LRP1B: variants seen among roughly 807,000 people sequenced by gnomAD.
The protein encoded by LRP1B is LDL receptor related protein 1B.
A neutral mutation model predicts 556.6 loss-of-function variants in LRP1B; 217 were observed. The observed-to-expected ratio is 0.39, with a 90% CI of 0.35 to 0.44. LRP1B has a LOEUF of 0.44. Ranked by LOEUF, LRP1B falls within the 20% of genes least tolerant of loss-of-function variation. The pLI is 1.00. For synonymous variants in LRP1B, 2,047 were observed against 1,865.8 expected (o/e 1.10, Z -2.50); for missense variants, 5,053 against 5,620.8 (o/e 0.90, Z 3.23).
intron 31 of LRP1B, among the ~76,000 whole-genome samples, chr2:140,827,023 G>A (rs1416203316): frequency 6.6e-6 from 1 of 152,126 alleles, no homozygotes; most frequent in African/African-American, 2.4e-5. Flanking sequence ...AGGACCAGAA[G>A]TGTTCTGAAC....
At chr2:142,027,212 G>C (rs946834027) in intron 1 of LRP1B, among the ~76,000 whole-genome samples, 1 of 151,514 alleles carries the variant, frequency 6.6e-6, no homozygotes, top group Non-Finnish European at 1.5e-5. Flanking sequence ...GCATGAATGA[G>C]GATCCCCAAA....
chr2:141,519,305 G>A (rs1017160372), intron 2 of LRP1B, among the ~76,000 whole-genome samples: 1 of 143,798 alleles, frequency 7.0e-6, no homozygotes, highest in African/African-American at 2.6e-5. Flanking sequence ...AAATATCATG[G>A]CCATGATAGA....
At chr2:141,538,785 T>C (rs144969716) in intron 2 of LRP1B, among the ~76,000 whole-genome samples, 1,842 of 152,180 alleles carry the variant, frequency 0.012, 39 homozygotes, top group African/African-American at 0.042. Flanking sequence ...ATTATAAGCA[T>C]GTGCTACCAC....
intron 41 of LRP1B, among the ~76,000 whole-genome samples, chr2:140,675,351 A>C (rs1685634999): frequency 6.6e-6 from 1 of 152,220 alleles, no homozygotes; most frequent in Non-Finnish European, 1.5e-5. Context: ...ATAAAGTTGC[A>C]CCCATTTGCC....
chr2:141,258,227 T>A (rs1684553799), intron 3 of LRP1B, among the ~76,000 whole-genome samples: 1 of 152,180 alleles, frequency 6.6e-6, no homozygotes, highest in Non-Finnish European at 1.5e-5. Flanking sequence ...GGCTCACACT[T>A]ATAATCCTAG....
intron 3 of LRP1B, among the ~76,000 whole-genome samples, chr2:141,384,789 C>T (rs995085520): frequency 5.3e-5 from 8 of 152,146 alleles, no homozygotes; most frequent in Non-Finnish European, 7.3e-5. Context: ...AGACACATGC[C>T]TTTGCTTGAG....
intron 7 of LRP1B, among the ~76,000 whole-genome samples, chr2:141,159,142 T>A (rs1381490335): frequency 1.3e-5 from 2 of 152,198 alleles, no homozygotes; most frequent in Admixed American, 1.3e-4. Flanking sequence ...TGCCTAAATA[T>A]GTATCACATT....
At chr2:140,274,362 C>T (rs1682582772) in intron 85 of LRP1B, 62 bp downstream of exon 85, 1 of 1,420,632 alleles carries the variant, frequency 7.0e-7, no homozygotes, top group Admixed American at 1.8e-5. Context: ...CTATTTATTA[C>T]TGAACTGCAA....
chr2:140,273,955 G>A (rs1682568289), intron 85 of LRP1B, among the ~76,000 whole-genome samples: 1 of 151,978 alleles, frequency 6.6e-6, no homozygotes, highest in African/African-American at 2.4e-5. Context: ...AATGTTCAAA[G>A]TCAGATTAAG....
chr2:140,555,262 A>G (rs13032617), intron 43 of LRP1B, among the ~76,000 whole-genome samples: 20,969 of 151,710 alleles, frequency 0.14, 1,772 homozygotes, highest in Non-Finnish European at 0.2. Context: ...ATGCTAGATT[A>G]CAAGTCAAAA....
chr2:141,043,632 A>G (rs78638634), intron 11 of LRP1B, among the ~76,000 whole-genome samples: 2,845 of 152,104 alleles, frequency 0.019, 144 homozygotes, highest in East Asian at 0.19. Flanking sequence ...AAATGATATG[A>G]AAGGTTATTT....
At chr2:141,590,647 G>T (rs1280473144) in intron 2 of LRP1B, among the ~76,000 whole-genome samples, 1 of 152,118 alleles carries the variant, frequency 6.6e-6, no homozygotes, top group Non-Finnish European at 1.5e-5. Context: ...CCCCACAAGA[G>T]CAGGGATTTC....
intron 2 of LRP1B, among the ~76,000 whole-genome samples, chr2:141,754,129 C>T (rs547730103): frequency 6.6e-6 from 1 of 152,122 alleles, no homozygotes; most frequent in Admixed American, 6.6e-5. Flanking sequence ...TCCATGCATG[C>T]AAAATAAGAA....
At position 140,243,966 on chromosome 2, in the gene LRP1B, A is replaced by G. The variant is rs1681055368; in HGVS notation, c.13324+3120T>C. The stretch of plus-strand genomic sequence containing the variant: ...TTGTTTTTGCTTCCTTCACGGACCA[A>G]TCAAAACTCACAATTACTTTATACA... On this transcript the variant is annotated intron_variant, in intron 87 of 90. Transcript: ENST00000389484. Among the ~76,000 whole-genome samples, 3 of 151,348 alleles carry G rather than the reference A, an allele frequency of 2.0e-5. No homozygotes were observed. In the South Asian group the frequency reaches 6.2e-4, roughly 31 times the overall value.
chr2:141,268,386 A>G (rs1684967711), intron 3 of LRP1B, among the ~76,000 whole-genome samples: 1 of 152,300 alleles, frequency 6.6e-6, no homozygotes, highest in Admixed American at 6.5e-5. Flanking sequence ...TACATTTCTA[A>G]TGCAGTAAAA....
chr2:141,515,555 T>C (rs1366334599), intron 2 of LRP1B, among the ~76,000 whole-genome samples: 3 of 57,214 alleles, frequency 5.2e-5, no homozygotes, highest in East Asian at 1.1e-3. Context: ...TTAACAAATA[T>C]TTATTTGCCA....
chr2:141,410,199 G>A (rs557280930), intron 3 of LRP1B, among the ~76,000 whole-genome samples: 1 of 152,090 alleles, frequency 6.6e-6, no homozygotes, highest in African/African-American at 2.4e-5. Context: ...TATGTGTTAA[G>A]CTAAATTTAC....
intron 6 of LRP1B, among the ~76,000 whole-genome samples, chr2:141,197,348 A>G (rs1681797739): frequency 6.6e-6 from 1 of 152,056 alleles, no homozygotes; most frequent in Non-Finnish European, 1.5e-5. Flanking sequence ...TGGGGTTCTT[A>G]TCTTAGATTT....
chr2:140,381,448 G>A (rs1014567110), intron 67 of LRP1B, among the ~76,000 whole-genome samples: 15 of 152,084 alleles, frequency 9.9e-5, no homozygotes, highest in African/African-American at 2.7e-4. Flanking sequence ...AACTCTACAC[G>A]GGAACAATTA....
Sources: allele counts gnomAD v4.1 joint callset (sites outside exome capture counted in the v4.1 genomes callset), GRCh38; gene constraint gnomAD v4.1.1; transcripts MANE v1.5; gene names NCBI Gene and HGNC (gene_info 2026-07-23, HGNC 2026-07-21).